PPA1: variants seen among roughly 807,000 people sequenced by gnomAD.
PPA1 encodes inorganic pyrophosphatase.
In PPA1, 23 loss-of-function variants were observed where a neutral mutation model predicts 41.8. That is an observed-to-expected ratio of 0.55 (90% CI 0.40 to 0.78). PPA1 has a LOEUF of 0.78. PPA1 is among the 30% of genes least tolerant of loss of function. The pLI is 0.00. For missense variants in PPA1, 320 were observed against 361.6 expected (o/e 0.89, Z 0.93); for synonymous variants, 101 against 116.8 (o/e 0.86, Z 0.87).
At chr10:70,227,080 C>A (rs1840237194) in intron 2 of PPA1, among the ~76,000 whole-genome samples, 1 of 152,152 alleles carries the variant, frequency 6.6e-6, no homozygotes. Flanking sequence ...GTGTTTCATA[C>A]TGTTTATACC....
At chr10:70,226,706 C>T (rs1292114082) in intron 2 of PPA1, among the ~76,000 whole-genome samples, 2 of 151,894 alleles carry the variant, frequency 1.3e-5, no homozygotes, top group Non-Finnish European at 1.5e-5. Context: ...TCTGCATTTC[C>T]AGTTGTCAAA....
intron 8 of PPA1, 31 bp from the exon 9 acceptor site, chr10:70,206,364 C>CA (rs1564580101): frequency 6.7e-7 from 1 of 1,492,876 alleles, no homozygotes; most frequent in Non-Finnish European, 9.3e-7. Flanking sequence ...AGTCATAAGA[C>CA]AAAATAACAA....
At position 70,233,312 on chromosome 10, in the gene PPA1, T is replaced by G; in HGVS notation, c.16A>C (p.Thr6Pro). 2 of 1,540,500 alleles carry G rather than the reference T, an allele frequency of 1.3e-6. No homozygotes were observed. The highest frequency in any genetic ancestry group is 1.7e-6 in the Non-Finnish European group (2 of 1,143,942). Residue 6 changes from threonine to proline, a missense_variant, in exon 1 of 11, where the codon ACC becomes CCC. Physicochemically the swap from Thr to Pro is conservative, Grantham distance 38. Coordinates refer to ENST00000373232, the MANE Select transcript of PPA1 (RefSeq NM_021129.4). ...GAGAAGGGCGCGGCGCGCTCCTCGG[T>G]GCTGAAGCCGCTCATAGTGCCGGAG... Reference protein sequence around the residue: MSGFSTEERAAPFSLE... With the variant: MSGFSPEERAAPFSLE...
chr10:70,208,122 G>A (rs9415005), intron 8 of PPA1, among the ~76,000 whole-genome samples: 3,292 of 152,146 alleles, frequency 0.022, 109 homozygotes, highest in African/African-American at 0.074. Flanking sequence ...TCCGGGAAGC[G>A]GAGGTTGCAA....
intron 1 of PPA1, among the ~76,000 whole-genome samples, chr10:70,232,766 G>A (rs1840302251): frequency 6.6e-6 from 1 of 152,084 alleles, no homozygotes; most frequent in South Asian, 2.1e-4. Flanking sequence ...CAGTTTTCCC[G>A]TCTGTAAAAC....
chr10:70,220,738 T>A lies in PPA1; in HGVS notation c.124-1921A>T, dbSNP rs1196909859. Among the ~76,000 whole-genome samples, 7 of 9,012 alleles carry A rather than the reference T, an allele frequency of 7.8e-4. 1 individual carries two copies. Among genetic ancestry groups the A allele is most frequent in the African/African-American group, 3.2e-3 (7 of 2,196 alleles). The allele number at this position is 9,012 out of a possible 152,430, so 5.9% of individuals were successfully genotyped here. On this transcript the variant is annotated intron_variant, in intron 2 of 10. Coordinates refer to ENST00000373232, the MANE Select transcript of PPA1 (RefSeq NM_021129.4). ...TAATTTATATATATAATATATATAA[T>A]TTATATATATATAATATATATAATT...
At chr10:70,227,763 T>A (rs1010514978) in intron 2 of PPA1, among the ~76,000 whole-genome samples, 1 of 151,802 alleles carries the variant, frequency 6.6e-6, no homozygotes, top group African/African-American at 2.4e-5. Context: ...TGGAGCTGAC[T>A]GAGCTGTGTT....
In PPA1 at chr10:70,232,862, C is replaced by G. The variant is rs565531108; in HGVS notation, c.64+402G>C. Among the ~76,000 whole-genome samples the G allele has an allele frequency of 1.7e-3, 260 of 152,064 alleles. 3 individuals are homozygous for G. Among genetic ancestry groups the G allele is most frequent in the African/African-American group, 5.4e-3 (225 of 41,460 alleles). On this transcript the variant is annotated intron_variant, in intron 1 of 10. Coordinates refer to ENST00000373232, the MANE Select transcript of PPA1 (RefSeq NM_021129.4). ...GTCTTTAGGAAGTCACTGCCCCCCC[C>G]GGCCCGGAGTCGCCTTTTCTCCAAA...
chr10:70,222,661 T>C (rs75314919), intron 2 of PPA1, among the ~76,000 whole-genome samples: 2,388 of 152,178 alleles, frequency 0.016, 58 homozygotes, highest in African/African-American at 0.055. Flanking sequence ...ATCTGTAAAA[T>C]CAATGTTTAG....
intron 2 of PPA1, among the ~76,000 whole-genome samples, chr10:70,229,546 C>T (rs148200638): frequency 4.2e-4 from 64 of 152,338 alleles, no homozygotes; most frequent in African/African-American, 1.4e-3. Flanking sequence ...ACAGGAACAG[C>T]TATGTCCTTT....
chr10:70,216,029 T>C (rs1465612091), intron 4 of PPA1, among the ~76,000 whole-genome samples: 1 of 152,128 alleles, frequency 6.6e-6, no homozygotes, highest in African/African-American at 2.4e-5. Flanking sequence ...GATTTGTTTG[T>C]CTACTCAGCT....
chr10:70,220,998 T>C (rs1438636370), intron 2 of PPA1, among the ~76,000 whole-genome samples: 1 of 58,594 alleles, frequency 1.7e-5, no homozygotes, highest in African/African-American at 9.2e-5. Context: ...ATAATTTATA[T>C]ATATAACATA....
At chr10:70,213,372 G>A (rs755387573) in intron 6 of PPA1, 91 bp downstream of exon 6, 6 of 1,468,244 alleles carry the variant, frequency 4.1e-6, no homozygotes, top group Non-Finnish European at 5.6e-6. Context: ...ACAGTTTGAA[G>A]GTAAGGGCTT....
At chr10:70,222,732 T>C (rs1589896992) in intron 2 of PPA1, among the ~76,000 whole-genome samples, 1 of 152,176 alleles carries the variant, frequency 6.6e-6, no homozygotes, top group African/African-American at 2.4e-5. Context: ...AAGTGCAGGT[T>C]TGTTACATAT....
chr10:70,222,679 T>G (rs1484641298), intron 2 of PPA1, among the ~76,000 whole-genome samples: 1 of 152,176 alleles, frequency 6.6e-6, no homozygotes, highest in Non-Finnish European at 1.5e-5. Context: ...TAGCACACTT[T>G]TTTTTTATTA....
intron 2 of PPA1, 102 bp downstream of exon 2, chr10:70,230,239 C>G (rs116200613): frequency 4.5e-6 from 6 of 1,348,280 alleles, no homozygotes; most frequent in Admixed American, 2.0e-5. Context: ...CACAGCACAA[C>G]GAGGCATTTT....
chr10:70,208,752 T>G (rs543886930), intron 8 of PPA1, among the ~76,000 whole-genome samples: 2 of 152,160 alleles, frequency 1.3e-5, no homozygotes, highest in East Asian at 3.9e-4. Flanking sequence ...AATAGAAGAT[T>G]TCTGGGAGAA....
intron 4 of PPA1, among the ~76,000 whole-genome samples, chr10:70,216,623 G>A (rs1202882439): frequency 6.6e-6 from 1 of 152,118 alleles, no homozygotes; most frequent in Non-Finnish European, 1.5e-5. Flanking sequence ...TTCATAGTAC[G>A]TTCCATTTAA....
intron 2 of PPA1, among the ~76,000 whole-genome samples, chr10:70,227,650 CAAA>C (rs11382289): frequency 0.019 from 1,453 of 75,130 alleles, 27 homozygotes; most frequent in African/African-American, 0.071. Flanking sequence ...AACCCTATCT[CAAA>C]AAAAAAAAAA....
Sources: gnomAD v4.1 joint callset for allele counts (sites outside exome capture counted in the v4.1 genomes callset) on GRCh38, gnomAD v4.1.1 for gene constraint, MANE v1.5 for transcripts, NCBI Gene and HGNC (gene_info 2026-07-23, HGNC 2026-07-21) for gene names.